Variants in PHLDB2 observed in about 807,000 individuals in gnomAD.
PHLDB2 encodes the protein pleckstrin homology-like domain family B member 2.
In PHLDB2, 71 loss-of-function variants were observed where a neutral mutation model predicts 123.6. The observed-to-expected ratio is 0.57, with a 90% CI of 0.47 to 0.70. The LOEUF is 0.70. Among genes scored for constraint, PHLDB2 ranks in the 30% least tolerant of loss-of-function variants. The pLI, the probability that PHLDB2 is intolerant of heterozygous loss-of-function variation, is 0.00. For synonymous variants in PHLDB2, 547 were observed against 541.6 expected (o/e 1.01, Z -0.14); for missense variants, 1,446 against 1,519.5 (o/e 0.95, Z 0.80).
chr3:111,947,899 T>TCAATC (rs2070423256), intron 9 of PHLDB2, among the ~76,000 whole-genome samples: 2 of 152,212 alleles, frequency 1.3e-5, no homozygotes, highest in African/African-American at 4.8e-5. Flanking sequence ...GTAAAAGGAT[T>TCAATC]GATGGAGGCA....
At chr3:111,845,810 G>T (rs1313924553) in intron 1 of PHLDB2, 2 of 1,612,252 alleles carry the variant, frequency 1.2e-6, no homozygotes, top group African/African-American at 1.3e-5. Context: ...CTCTTTTCTT[G>T]CTGTGTGCAG....
intron 1 of PHLDB2, among the ~76,000 whole-genome samples, chr3:111,803,888 T>A (rs570080960): frequency 6.6e-6 from 1 of 152,302 alleles, no homozygotes; most frequent in South Asian, 2.1e-4. Context: ...TGACTTCAGG[T>A]GAAATGGTAT....
At chr3:111,802,226 G>A (rs1559838700) in intron 1 of PHLDB2, among the ~76,000 whole-genome samples, 1 of 152,206 alleles carries the variant, frequency 6.6e-6, no homozygotes, top group African/African-American at 2.4e-5. Context: ...GCTCCATGGA[G>A]CACTGTGCTT....
At chr3:111,810,691 T>C (rs965964445) in intron 1 of PHLDB2, among the ~76,000 whole-genome samples, 1 of 152,144 alleles carries the variant, frequency 6.6e-6, no homozygotes, top group African/African-American at 2.4e-5. Flanking sequence ...CGCTATTCCG[T>C]CCATAGCAAT....
intron 2 of PHLDB2, among the ~76,000 whole-genome samples, chr3:111,898,137 G>C (rs1174218990): frequency 2.6e-5 from 4 of 151,482 alleles, no homozygotes; most frequent in Non-Finnish European, 4.4e-5. Context: ...GGTTCTTGAA[G>C]GTTGGAGTGG....
upstream of PHLDB2, among the ~76,000 whole-genome samples, chr3:111,856,833 C>T (rs368612953): frequency 1.6e-3 from 237 of 152,264 alleles, 1 homozygote; most frequent in Admixed American, 5.8e-3. Context: ...GCCTTACATT[C>T]TAGTGAGGAG....
At chr3:111,793,726 A>G (rs1401281877) in intron 1 of PHLDB2, among the ~76,000 whole-genome samples, 1 of 151,744 alleles carries the variant, frequency 6.6e-6, no homozygotes, top group Non-Finnish European at 1.5e-5. Context: ...TTTGGTCAGC[A>G]GGTGATGAAT....
rs2066100933 is a variant in PHLDB2 at position 111,885,430 on chromosome 3, A to G, written c.1335+18A>G. ...AGCGATTGGTAATCTTCATCTCAACAGTGATTGACCTCACTGTTTCATTAA... is the reference window on the plus strand; with the variant it reads ...AGCGATTGGTAATCTTCATCTCAACGGTGATTGACCTCACTGTTTCATTAA... On this transcript the variant is annotated intron_variant, in intron 2 of 17. Transcript: ENST00000431670. The G allele has an allele frequency of 6.2e-7, 1 of 1,613,884 alleles. No individual in the cohort carries two copies. Among genetic ancestry groups the G allele is most frequent in the South Asian group, 1.1e-5 (1 of 91,086 alleles).
intron 5 of PHLDB2, among the ~76,000 whole-genome samples, chr3:111,926,896 T>A (rs1446889469): frequency 6.6e-6 from 1 of 152,194 alleles, no homozygotes; most frequent in East Asian, 1.9e-4. Context: ...AAATGTCATA[T>A]AATATACGCT....
At chr3:111,916,976 A>G (rs1267406789) in intron 3 of PHLDB2, 2 of 152,220 alleles carry the variant, frequency 1.3e-5, no homozygotes, top group Non-Finnish European at 2.9e-5. Flanking sequence ...AATGAAGGGC[A>G]TATGTTTAAA....
chr3:111,800,934 A>T (rs1316459333), intron 1 of PHLDB2, among the ~76,000 whole-genome samples: 1 of 152,252 alleles, frequency 6.6e-6, no homozygotes, highest in Non-Finnish European at 1.5e-5. Context: ...ATCAGCTGGT[A>T]CAAGTATAAT....
chr3:111,836,897 G>A (rs1559859950), intron 1 of PHLDB2, among the ~76,000 whole-genome samples: 1 of 152,106 alleles, frequency 6.6e-6, no homozygotes, highest in Non-Finnish European at 1.5e-5. Context: ...ATGACAATTC[G>A]AGATGAGATT....
At chr3:111,806,035 C>A (rs113787774) in intron 1 of PHLDB2, among the ~76,000 whole-genome samples, 1 of 63,308 alleles carries the variant, frequency 1.6e-5, no homozygotes, top group East Asian at 7.3e-4. Context: ...CATAAAAAAA[C>A]AGGTCAAAAT....
chr3:111,965,928 G>A (rs1403997981), intron 13 of PHLDB2, among the ~76,000 whole-genome samples: 1 of 152,114 alleles, frequency 6.6e-6, no homozygotes, highest in Non-Finnish European at 1.5e-5. Flanking sequence ...CTTGAGTGAT[G>A]TCTTTTCCAT....
intron 1 of PHLDB2, among the ~76,000 whole-genome samples, chr3:111,740,646 C>CAA (rs1198169414): frequency 6.6e-6 from 1 of 152,088 alleles, no homozygotes; most frequent in African/African-American, 2.4e-5. Context: ...AGTTGACTGT[C>CAA]ACAACCGTAT....
intron 1 of PHLDB2, among the ~76,000 whole-genome samples, chr3:111,877,510 G>A (rs1345615397): frequency 1.3e-5 from 2 of 152,148 alleles, no homozygotes; most frequent in Admixed American, 1.3e-4. Flanking sequence ...CTCCCATTCT[G>A]TAGGTTGCCC....
chr3:111,849,207 A>G (rs1263690009), intron 2 of PHLDB2, among the ~76,000 whole-genome samples: 1 of 152,058 alleles, frequency 6.6e-6, no homozygotes, highest in African/African-American at 2.4e-5. Flanking sequence ...GTCTCACTCT[A>G]TTGCCTAGGC....
chr3:111,974,750 T>C lies in PHLDB2; in HGVS notation c.*187T>C. 1 of 458,006 alleles carries C rather than the reference T, an allele frequency of 2.2e-6. No homozygotes were observed. The highest frequency in any genetic ancestry group is 3.6e-6 in the Non-Finnish European group (1 of 281,616). 28.4% of individuals were successfully genotyped at this position (458,006 alleles called of 1,614,324 possible). Reference sequence around the variant, plus strand: ...GAAGGGGTTTTAATACAAACCTTCATAATAAATAGCAAAATAATTGAAGCT... The same window carrying C: ...GAAGGGGTTTTAATACAAACCTTCACAATAAATAGCAAAATAATTGAAGCT... On this transcript the variant is annotated 3_prime_UTR_variant, in exon 18 of 18. Transcript: ENST00000431670.
chr3:111,860,336 G>C (rs1373214935), intron 1 of PHLDB2, among the ~76,000 whole-genome samples: 2 of 151,754 alleles, frequency 1.3e-5, no homozygotes, highest in Non-Finnish European at 2.9e-5. Context: ...AAAAGCGGCT[G>C]ATTTCGATTT....
Sources: allele counts gnomAD v4.1 joint callset (sites outside exome capture counted in the v4.1 genomes callset), GRCh38; gene constraint gnomAD v4.1.1; transcripts MANE v1.5; gene names NCBI Gene and HGNC (gene_info 2026-07-23, HGNC 2026-07-21).